IL37: variants seen among roughly 807,000 people sequenced by gnomAD.
IL37 encodes the protein interleukin-37.
A neutral mutation model predicts 15.4 loss-of-function variants in IL37; 15 were observed. The observed-to-expected ratio is 0.98, with a 90% CI of 0.65 to 1.50. The LOEUF (loss-of-function observed/expected upper bound fraction) is 1.50. IL37 is among the 40% of genes most tolerant of loss of function. The pLI is 0.00. For missense variants in IL37, 269 were observed against 261.7 expected, an observed-to-expected ratio of 1.03 and a Z score of -0.19; for synonymous variants, 98 against 97.4, an observed-to-expected ratio of 1.01 and a Z score of -0.03.
chr2:112,918,698 T>C lies in IL37; in HGVS notation c.546T>C (p.Asn182=), dbSNP rs755685013. The change falls in exon 6 of 6, where the codon AAT becomes AAC. Residue 182 remains asparagine, a synonymous_variant. Coordinates refer to ENST00000263326, the MANE Select transcript of IL37 (RefSeq NM_014439.4). ...HPGWFICTSC[N]CNEPVGVTDK... ...GATGGTTCATCTGCACCTCCTGCAA[T>C]TGTAATGAGCCTGTTGGGGTGACAG... The C allele has an allele frequency of 7.4e-6, 12 of 1,613,998 alleles. No individual in the cohort carries two copies. The highest frequency in any genetic ancestry group is 1.0e-5 in the Non-Finnish European group (12 of 1,180,024).
chr2:112,915,131 A>G, intron 3 of IL37: 1 of 1,498,198 alleles, frequency 6.7e-7, no homozygotes, highest in South Asian at 1.1e-5. Flanking sequence ...GTCAAGGATC[A>G]TGAGCGAGAA....
At chr2:112,916,233 C>T (rs564132551) in intron 3 of IL37, among the ~76,000 whole-genome samples, 36 of 152,306 alleles carry the variant, frequency 2.4e-4, no homozygotes, top group Admixed American at 8.5e-4. Context: ...GTCACATTTG[C>T]CATTTTCCAG....
chr2:112,915,193 A>G (rs766655179), intron 3 of IL37: 3 of 1,613,942 alleles, frequency 1.9e-6, no homozygotes, highest in African/African-American at 2.7e-5. Context: ...CTGAGATCCT[A>G]TGTCAGGCTG....
At chr2:112,913,173 C>T (rs1351651284) in intron 2 of IL37, 79 bp downstream of exon 2, 8 of 938,028 alleles carry the variant, frequency 8.5e-6, no homozygotes, top group Non-Finnish European at 1.2e-5. Flanking sequence ...TGTGCACAGA[C>T]CCAGTTGTTT....
rs375091029 is a variant in IL37, at chr2:112,913,796, G to A, written c.87G>A (p.Pro29=). 6.7e-5 allele frequency: 108 copies of A among 1,613,556 alleles called. No homozygotes were observed. In the East Asian group the frequency reaches 7.1e-4, roughly 11 times the overall value. Residue 29 remains proline (P), a synonymous_variant, in exon 3 of 6, where the codon CCG becomes CCA. Transcript: ENST00000263326. ...CCTCACTGCGTCTGACTGCAGACCCGGCTGGAAGCCCCCTGGAACCAGGCC... is the reference window on the plus strand; with the variant it reads ...CCTCACTGCGTCTGACTGCAGACCCAGCTGGAAGCCCCCTGGAACCAGGCC... ...KDEPQCCLED[P]AGSPLEPGPS...
Sources: gnomAD v4.1 joint callset for allele counts (sites outside exome capture counted in the v4.1 genomes callset) on GRCh38, gnomAD v4.1.1 for gene constraint, MANE v1.5 for transcripts, NCBI Gene and HGNC (gene_info 2026-07-23, HGNC 2026-07-21) for gene names.